The following PPM1E variants were observed in gnomAD, a reference collection of about 807,000 sequenced individuals.
The protein encoded by PPM1E is protein phosphatase, Mg2+/Mn2+ dependent 1E, also known as protein phosphatase 1E.
PPM1E carries 20 observed loss-of-function variants against 65.9 expected under a neutral mutation model. That is an observed-to-expected ratio of 0.30 (90% CI 0.21 to 0.44). The LOEUF is 0.44. Ranked by LOEUF, PPM1E falls within the 20% of genes least tolerant of loss-of-function variation. The pLI, the probability that PPM1E is intolerant of heterozygous loss-of-function variation, is 1.00. For synonymous variants in PPM1E, 352 were observed against 374.9 expected (o/e 0.94, Z 0.70); for missense variants, 713 against 953.1 (o/e 0.75, Z 3.32).
intron 1 of PPM1E, among the ~76,000 whole-genome samples, chr17:58,866,772 C>T (rs1035366704): frequency 2.0e-5 from 3 of 152,084 alleles, no homozygotes; most frequent in Non-Finnish European, 4.4e-5. Context: ...TGAGAAAAAC[C>T]TTCCATAGGT....
intron 1 of PPM1E, among the ~76,000 whole-genome samples, chr17:58,844,288 A>T (rs921795951): frequency 6.7e-6 from 1 of 149,256 alleles, no homozygotes; most frequent in Non-Finnish European, 1.5e-5. Context: ...TTTCTGGTAT[A>T]AAAAAAATTA....
intron 1 of PPM1E, among the ~76,000 whole-genome samples, chr17:58,809,748 T>C (rs549093750): frequency 2.0e-5 from 3 of 152,358 alleles, no homozygotes; most frequent in African/African-American, 7.2e-5. Flanking sequence ...TAGACTTTCT[T>C]ACATTCTGGA....
intron 1 of PPM1E, among the ~76,000 whole-genome samples, chr17:58,779,242 C>T (rs896505477): frequency 1.2e-4 from 17 of 145,030 alleles, no homozygotes; most frequent in Non-Finnish European, 1.5e-4. Flanking sequence ...ATGGTGCGAT[C>T]TTGGCTCACT....
At chr17:58,894,670 A>G (rs1024792937) in intron 1 of PPM1E, among the ~76,000 whole-genome samples, 15 of 151,952 alleles carry the variant, frequency 9.9e-5, no homozygotes, top group South Asian at 2.1e-4. Context: ...TTTTCCATAT[A>G]CACACACACA....
intron 2 of PPM1E, among the ~76,000 whole-genome samples, chr17:58,965,260 T>C (rs1232511644): frequency 6.6e-6 from 1 of 152,120 alleles, no homozygotes; most frequent in Non-Finnish European, 1.5e-5. Context: ...AAACACTGTA[T>C]TTATCCAGCT....
chr17:58,878,540 A>T (rs2051153540), intron 1 of PPM1E, among the ~76,000 whole-genome samples: 1 of 150,870 alleles, frequency 6.6e-6, no homozygotes, highest in South Asian at 2.1e-4. Flanking sequence ...CACCACGCCT[A>T]GCCAGAATAG....
intron 1 of PPM1E, among the ~76,000 whole-genome samples, chr17:58,915,270 C>A (rs1328978656): frequency 6.6e-6 from 1 of 152,252 alleles, no homozygotes; most frequent in South Asian, 2.1e-4. Flanking sequence ...TTATTCATGC[C>A]TCCCCTTTTT....
At chr17:58,778,062 T>C (rs2050010686) in intron 1 of PPM1E, among the ~76,000 whole-genome samples, 1 of 152,058 alleles carries the variant, frequency 6.6e-6, no homozygotes, top group African/African-American at 2.4e-5. Flanking sequence ...CCTGAGTAGC[T>C]AGCTGGGACT....
intron 1 of PPM1E, among the ~76,000 whole-genome samples, chr17:58,864,313 G>A (rs1255759939): frequency 2.6e-5 from 4 of 152,166 alleles, no homozygotes; most frequent in Admixed American, 1.3e-4. Flanking sequence ...GCTTTTGGAA[G>A]ACGAGAACTT....
At chr17:58,773,937 G>A (rs543464094) in intron 1 of PPM1E, among the ~76,000 whole-genome samples, 48 of 152,138 alleles carry the variant, frequency 3.2e-4, no homozygotes, top group African/African-American at 1.1e-3. Context: ...TGAGACAGGC[G>A]GATCAGTTGA....
At chr17:58,798,525 ATTTTT>A (rs78922975) in intron 1 of PPM1E, among the ~76,000 whole-genome samples, 3 of 89,848 alleles carry the variant, frequency 3.3e-5, no homozygotes, top group Non-Finnish European at 7.2e-5. Context: ...ACACGGCCCT[ATTTTT>A]TTTTTTTTTT....
At chr17:58,908,273 G>T (rs2051582654) in intron 1 of PPM1E, among the ~76,000 whole-genome samples, 1 of 151,548 alleles carries the variant, frequency 6.6e-6, no homozygotes, top group African/African-American at 2.4e-5. Context: ...TAGAGATAGG[G>T]TTTCATCATG....
intron 1 of PPM1E, among the ~76,000 whole-genome samples, chr17:58,872,045 C>A (rs546122913): frequency 6.6e-6 from 1 of 152,316 alleles, no homozygotes; most frequent in South Asian, 2.1e-4. Flanking sequence ...CGCCTGTAAT[C>A]CCAGCACTTT....
intron 1 of PPM1E, among the ~76,000 whole-genome samples, chr17:58,802,279 TAAAG>T (rs1044224199): frequency 7.2e-5 from 11 of 152,226 alleles, no homozygotes; most frequent in Non-Finnish European, 1.5e-4. Context: ...CACCATTTAT[TAAAG>T]AAACTATCCT....
chr17:58,982,783 T>C lies in PPM1E; in HGVS notation c.*1752T>C. 1.5e-5 allele frequency: 11 copies of C among 746,492 alleles called. No individual in the cohort carries two copies. The South Asian group carries it at 2.1e-4, about 15-fold the overall frequency. 46.2% of individuals were successfully genotyped at this position (746,492 alleles called of 1,614,324 possible). A position where few individuals can be genotyped will look rare whatever the true frequency, so the allele number is the denominator to read the frequency against. On this transcript the variant is annotated 3_prime_UTR_variant, in exon 7 of 7. Coordinates refer to ENST00000308249, the MANE Select transcript of PPM1E (RefSeq NM_014906.5). ...ACAAATGGTTGAAAAGGAGTCAACA[T>C]GGCCCCAACTATAGTGCCGGAACCT...
intron 1 of PPM1E, among the ~76,000 whole-genome samples, chr17:58,866,146 G>C (rs1457664875): frequency 6.6e-6 from 1 of 152,194 alleles, no homozygotes; most frequent in African/African-American, 2.4e-5. Context: ...AATCTAGTTA[G>C]ATAGGCAGCC....
chr17:58,826,322 GAAAA>G (rs902299203), intron 1 of PPM1E, among the ~76,000 whole-genome samples: 4 of 136,826 alleles, frequency 2.9e-5, no homozygotes, highest in Admixed American at 7.3e-5. Context: ...AAAAAAAAAA[GAAAA>G]GAAAGAAAGC....
At chr17:58,870,542 T>C (rs1315866042) in intron 1 of PPM1E, among the ~76,000 whole-genome samples, 1 of 152,202 alleles carries the variant, frequency 6.6e-6, no homozygotes, top group Non-Finnish European at 1.5e-5. Context: ...TGTGTACCGA[T>C]GCTTAGCTCC....
At chr17:58,763,287 G>A (rs2049841588) in intron 1 of PPM1E, among the ~76,000 whole-genome samples, 1 of 152,032 alleles carries the variant, frequency 6.6e-6, no homozygotes, top group Non-Finnish European at 1.5e-5. Flanking sequence ...GTTGCTCTAG[G>A]CATCAACATT....
Sources: gnomAD v4.1 joint callset for allele counts (sites outside exome capture counted in the v4.1 genomes callset) on GRCh38, gnomAD v4.1.1 for gene constraint, MANE v1.5 for transcripts, NCBI Gene and HGNC (gene_info 2026-07-23, HGNC 2026-07-21) for gene names.